KMT2C: variants seen among roughly 807,000 people sequenced by gnomAD.
KMT2C encodes the protein histone-lysine N-methyltransferase 2C.
KMT2C carries 88 observed loss-of-function variants against 507.9 expected under a neutral mutation model. That is an observed-to-expected ratio of 0.17 (90% confidence interval 0.15 to 0.21). KMT2C has a LOEUF of 0.21. Ranked by LOEUF, KMT2C falls within the 10% of genes least tolerant of loss-of-function variation. The pLI is 1.00. For synonymous variants in KMT2C, 2,049 were observed against 2,080.8 expected (o/e 0.98, Z 0.42); for missense variants, 4,954 against 5,957.8 (o/e 0.83, Z 5.55).
chr7:152,213,290 G>GT lies in KMT2C; in HGVS notation c.3713-5863dup, dbSNP rs572075926. ...TTGAGAAAGAAAAACAAAGTAGAAG[G>GT]TATCACACTACCTGATTTCAAGTTA... On this transcript the variant is annotated intron_variant, in intron 23 of 58. Coordinates refer to ENST00000262189, the MANE Select transcript of KMT2C (RefSeq NM_170606.3). Among the ~76,000 whole-genome samples the GT allele has an allele frequency of 4.6e-3, 698 of 152,198 alleles. 6 individuals carry two copies. The highest frequency in any genetic ancestry group is 0.013 in the African/African-American group (545 of 41,494).
intron 43 of KMT2C, among the ~76,000 whole-genome samples, chr7:152,159,375 A>G (rs1256700266): frequency 6.6e-6 from 1 of 152,128 alleles, no homozygotes; most frequent in Admixed American, 6.5e-5. Flanking sequence ...GGGCTGGGGA[A>G]CCCCTTATTC....
Position 152,298,249 on chromosome 7 carries a change from T to C in KMT2C, c.849+11717A>G, listed in dbSNP as rs1261276431. On this transcript the variant is annotated intron_variant, in intron 6 of 58. Coordinates refer to ENST00000262189, the MANE Select transcript of KMT2C (RefSeq NM_170606.3). ...GAAAAAAAATACTTGAAGAAACAAC[T>C]GCTGAAAATGTTCTAGCCATAAAAA... is the stretch of plus-strand genomic sequence containing the variant. 2.0e-5 allele frequency among the ~76,000 whole-genome samples: 3 copies of C among 152,048 alleles called. No individual in the cohort carries two copies. The East Asian group carries it at 5.8e-4, about 29-fold the overall frequency.
At chr7:152,426,140 T>C (rs2116760910) in intron 1 of KMT2C, among the ~76,000 whole-genome samples, 2 of 152,156 alleles carry the variant, frequency 1.3e-5, no homozygotes, top group Middle Eastern at 3.4e-3. Flanking sequence ...AAATCTTTCT[T>C]CTATATATTG....
At chr7:152,374,272 C>A (rs1488127186) in intron 1 of KMT2C, among the ~76,000 whole-genome samples, 1 of 151,830 alleles carries the variant, frequency 6.6e-6, no homozygotes, top group Non-Finnish European at 1.5e-5. Flanking sequence ...CCCGAGATTG[C>A]ACCATTGCAC....
At chr7:152,378,531 A>C (rs2097346638) in intron 1 of KMT2C, among the ~76,000 whole-genome samples, 1 of 152,236 alleles carries the variant, frequency 6.6e-6, no homozygotes, top group Non-Finnish European at 1.5e-5. Flanking sequence ...GTAGAATATA[A>C]ACATAATATT....
At chr7:152,316,062 C>T (rs2129203222) in intron 3 of KMT2C, among the ~76,000 whole-genome samples, 1 of 152,232 alleles carries the variant, frequency 6.6e-6, no homozygotes, top group East Asian at 1.9e-4. Context: ...ATATACCACA[C>T]ACATGCATAC....
Position 152,139,809 on chromosome 7 carries a change from C to A in KMT2C, c.14344-18G>T, listed in dbSNP as rs1395843881. 6.5e-7 allele frequency: 1 copy of A among 1,547,362 alleles called. No individual in the cohort carries two copies. Among genetic ancestry groups the A allele is most frequent in the Admixed American group, 1.7e-5 (1 of 58,794 alleles). On this transcript the variant is annotated intron_variant, in intron 55 of 58. Coordinates refer to ENST00000262189, the MANE Select transcript of KMT2C (RefSeq NM_170606.3). ...CCCAGCCCCTAAAAAAAAGTGTGTA[C>A]ATACTTCCAATTTATGTGACAACAA...
intron 1 of KMT2C, among the ~76,000 whole-genome samples, chr7:152,433,836 T>G (rs1447893129): frequency 6.6e-6 from 1 of 152,284 alleles, no homozygotes. Context: ...GTAGGGTGTG[T>G]GCGAGTGTGC....
At chr7:152,314,519 C>A in intron 4 of KMT2C, among the ~76,000 whole-genome samples, 1 of 136,972 alleles carries the variant, frequency 7.3e-6, no homozygotes. Context: ...GACATACACA[C>A]ATCATTACAA....
rs1176848249 is a variant in KMT2C at position 152,333,833 on chromosome 7, TTTC to T, written c.251-3097_251-3095del. 5.9e-5 allele frequency among the ~76,000 whole-genome samples: 9 copies of T among 151,278 alleles called. No individual in the cohort carries two copies. In the East Asian group the frequency reaches 1.7e-3, roughly 29 times the overall value. On this transcript the variant is annotated intron_variant, in intron 2 of 58. Transcript: ENST00000262189. ...TGGTTTTCATACTTAAAATAACATG[TTTC>T]TTTTCTTTTTTAAAAAATTGAAATA... is the stretch of plus-strand genomic sequence containing the variant.
intron 6 of KMT2C, among the ~76,000 whole-genome samples, chr7:152,280,393 A>T (rs1040178528): frequency 9.9e-5 from 15 of 152,182 alleles, no homozygotes; most frequent in Non-Finnish European, 2.1e-4. Context: ...ATAAAAATAA[A>T]AAAAAAAAAT....
chr7:152,276,523 C>A (rs1161935210), intron 6 of KMT2C, among the ~76,000 whole-genome samples: 1 of 152,086 alleles, frequency 6.6e-6, no homozygotes, highest in Non-Finnish European at 1.5e-5. Flanking sequence ...GAGGCTGAGG[C>A]AGGTGGATCA....
Position 152,199,353 on chromosome 7 carries a change from T to C in KMT2C, c.4199A>G (p.Asn1400Ser), listed in dbSNP as rs1281271264. The C allele has an allele frequency of 2.5e-6, 4 of 1,606,026 alleles. No homozygotes were observed. In the Admixed American group the frequency reaches 6.9e-5, roughly 28 times the overall value. ...TAAGGAAGGATCCAAGAAACCTGTG[T>C]TCATGTTTGTTTTATATAAAAGCTG... is the stretch of plus-strand genomic sequence containing the variant. ...GAQLLYKTNM[N>S]TGFLDPSLDP... The change falls in exon 27 of 59, where the codon AAC (asparagine) becomes AGC (serine). Residue 1400 changes from asparagine (N) to serine (S), a missense_variant. Around this residue, in one of 29 missense-constraint regions of KMT2C, gnomAD observed 140 missense variants for 118.4 expected, o/e 1.18. Coordinates refer to ENST00000262189, the MANE Select transcript of KMT2C (RefSeq NM_170606.3).
intron 6 of KMT2C, among the ~76,000 whole-genome samples, chr7:152,291,759 C>T (rs535429571): frequency 1.5e-3 from 222 of 152,344 alleles, no homozygotes; most frequent in African/African-American, 5.0e-3. Context: ...AATCATTCAC[C>T]CTTCTTTCCA....
chr7:152,417,085 C>CA lies in KMT2C; in HGVS notation c.161+18540dup, dbSNP rs1458743332. On this transcript the variant is annotated intron_variant, in intron 1 of 58. Transcript: ENST00000262189. ...AAAAAAAAAGAGTTTATATTTATCT[C>CA]AAAAAAAGAGTTTATATTTATTGCT... 4.0e-5 allele frequency among the ~76,000 whole-genome samples: 6 copies of CA among 149,022 alleles called. No homozygotes were observed. In the South Asian group the frequency reaches 8.5e-4, roughly 21 times the overall value.
intron 44 of KMT2C, chr7:152,157,914 C>G (rs1296808559): frequency 7.5e-7 from 1 of 1,332,652 alleles, no homozygotes; most frequent in South Asian, 1.2e-5. Flanking sequence ...TTAGAGGGAG[C>G]AGAGAGAGCT....
At chr7:152,318,906 GAATCTGGTCTC>G (rs2096746476) in intron 3 of KMT2C, among the ~76,000 whole-genome samples, 1 of 152,120 alleles carries the variant, frequency 6.6e-6, no homozygotes, top group African/African-American at 2.4e-5. Flanking sequence ...AGACCAACAT[GAATCTGGTCTC>G]AAAATGAATC....
At chr7:152,202,512 T>C (rs1421461344) in intron 26 of KMT2C, among the ~76,000 whole-genome samples, 1 of 152,178 alleles carries the variant, frequency 6.6e-6, no homozygotes, top group African/African-American at 2.4e-5. Flanking sequence ...CTAAAAGTGG[T>C]AACGATTATT....
At chr7:152,394,878 C>T (rs556824794) in intron 1 of KMT2C, among the ~76,000 whole-genome samples, 77 of 152,182 alleles carry the variant, frequency 5.1e-4, no homozygotes, top group African/African-American at 1.7e-3. Context: ...CATCTAGGTC[C>T]GTGATAATTT....
Sources: gnomAD v4.1 joint callset for allele counts (sites outside exome capture counted in the v4.1 genomes callset) on GRCh38, gnomAD v4.1.1 for gene constraint, gnomAD v4.1.1 regional missense constraint, MANE v1.5 for transcripts, NCBI Gene and HGNC (gene_info 2026-07-23, HGNC 2026-07-21) for gene names.